Variants in PCDHGA12 observed in about 807,000 individuals in gnomAD.
The protein encoded by PCDHGA12 is protocadherin gamma-A12.
In PCDHGA12, 43 loss-of-function variants were observed where a neutral mutation model predicts 61.1. That is an observed-to-expected ratio of 0.70 (90% CI 0.55 to 0.91). The LOEUF (loss-of-function observed/expected upper bound fraction) is 0.91. Among genes scored for constraint, PCDHGA12 ranks in the 40% least tolerant of loss-of-function variants. The pLI is 0.00. For synonymous variants in PCDHGA12, 520 were observed against 542.9 expected, an observed-to-expected ratio of 0.96 and a Z score of 0.59; for missense variants, 1,236 against 1,227.7, an observed-to-expected ratio of 1.01 and a Z score of -0.10.
chr5:141,485,744 G>T lies in PCDHGA12; in HGVS notation c.2425-9063G>T. 1 of 1,614,226 alleles carries T rather than the reference G, an allele frequency of 6.2e-7. No individual in the cohort carries two copies. Among genetic ancestry groups the T allele is most frequent in the Non-Finnish European group, 8.5e-7 (1 of 1,180,038 alleles). On this transcript the variant is annotated intron_variant, in intron 1 of 3. Transcript: ENST00000252085. The surrounding 1 kb of genome is among the most constrained non-coding windows in gnomAD (Gnocchi z 5.7). ...GAAGAAGCGCAGCGACGGCAGCCTG[G>T]TCCCAGAGCTGCTCCTGGAGAAGCC...
Position 141,485,486 on chromosome 5 carries a change from C to A in PCDHGA12, c.2425-9321C>A. On this transcript the variant is annotated intron_variant, in intron 1 of 3. Transcript: ENST00000252085. This position sits in a 1 kb window ranked among gnomAD's most constrained non-coding sequence, Gnocchi z 5.7. Reference sequence around the variant, plus strand: ...TGGGCTCAGTGCCAGCTGCATCGTGCCCCTGGAGTTTGTCACCGAAGGTCC... The same window carrying A: ...TGGGCTCAGTGCCAGCTGCATCGTGACCCTGGAGTTTGTCACCGAAGGTCC... 6.2e-7 allele frequency: 1 copy of A among 1,614,104 alleles called. No individual in the cohort carries two copies.
At chr5:141,466,528 T>C (rs1171715691) in intron 1 of PCDHGA12, among the ~76,000 whole-genome samples, 1 of 152,204 alleles carries the variant, frequency 6.6e-6, no homozygotes, top group African/African-American at 2.4e-5. Context: ...TCCTCCCAAA[T>C]TGATGTAGAT....
intron 1 of PCDHGA12, among the ~76,000 whole-genome samples, chr5:141,483,755 G>A (rs2099586573): frequency 6.6e-6 from 1 of 152,130 alleles, no homozygotes. Flanking sequence ...TGAGGATCGA[G>A]GCTTGGAAAA....
Position 141,476,752 on chromosome 5 carries a change from A to T in PCDHGA12, c.2425-18055A>T, listed in dbSNP as rs771355583. On this transcript the variant is annotated intron_variant, in intron 1 of 3. Coordinates refer to ENST00000252085, the MANE Select transcript of PCDHGA12 (RefSeq NM_003735.3). This position sits in a 1 kb window ranked among gnomAD's most constrained non-coding sequence, Gnocchi z 7.6. ...GAGAACGGGAGCCTAGTCTCCAGTTAGTGCTGACGGCGTTGGACGGAGGGA... is the reference window on the plus strand; with the variant it reads ...GAGAACGGGAGCCTAGTCTCCAGTTTGTGCTGACGGCGTTGGACGGAGGGA... 1.2e-6 allele frequency: 2 copies of T among 1,613,926 alleles called. No individual in the cohort carries two copies. Among genetic ancestry groups the T allele is most frequent in the South Asian group, 2.2e-5 (2 of 91,080 alleles).
intron 1 of PCDHGA12, among the ~76,000 whole-genome samples, chr5:141,450,485 TTGTC>T (rs1466269978): frequency 1.3e-5 from 2 of 152,158 alleles, no homozygotes; most frequent in African/African-American, 2.4e-5. Flanking sequence ...GTTTGTTTGT[TTGTC>T]TGTTTGTTTG....
In PCDHGA12 at chr5:141,498,877, G is replaced by A. The variant is rs886444261; in HGVS notation, c.2483+4012G>A. ...GAACCCAGGAGGCGGAGGTTGCAGTGAGCTGAGATCACACCACTGCACTCC... is the reference window on the plus strand; with the variant it reads ...GAACCCAGGAGGCGGAGGTTGCAGTAAGCTGAGATCACACCACTGCACTCC... On this transcript the variant is annotated intron_variant, in intron 2 of 3. Coordinates refer to ENST00000252085, the MANE Select transcript of PCDHGA12 (RefSeq NM_003735.3). Among the ~76,000 whole-genome samples, 8 of 149,816 alleles carry A rather than the reference G, an allele frequency of 5.3e-5. No individual in the cohort carries two copies. In the East Asian group the frequency reaches 1.4e-3, roughly 26 times the overall value.
chr5:141,506,801 C>A (rs1322016728), intron 3 of PCDHGA12, among the ~76,000 whole-genome samples: 2 of 152,166 alleles, frequency 1.3e-5, no homozygotes, highest in Non-Finnish European at 2.9e-5. Flanking sequence ...GGCAGAGGAT[C>A]AAGGCATTGC....
rs1000330093 is a variant in PCDHGA12 at position 141,511,812 on chromosome 5, C to T, written c.*639C>T. 2.5e-5 allele frequency: 4 copies of T among 157,260 alleles called. No individual in the cohort carries two copies. Among genetic ancestry groups the T allele is most frequent in the African/African-American group, 9.6e-5 (4 of 41,492 alleles). The allele number at this position is 157,260 out of a possible 1,614,324, so 9.7% of individuals were successfully genotyped here. The stretch of plus-strand genomic sequence containing the variant: ...TAGGGAGGGCATTTTGCTACCAAGC[C>T]TCTTCCCAACGCCCTGGGGACCAGT... On this transcript the variant is annotated 3_prime_UTR_variant, in exon 4 of 4. Transcript: ENST00000252085.
Position 141,486,572 on chromosome 5 carries a change from A to G in PCDHGA12, c.2425-8235A>G. 1 of 1,613,876 alleles carries G rather than the reference A, an allele frequency of 6.2e-7. No individual in the cohort carries two copies. Among genetic ancestry groups the G allele is most frequent in the Non-Finnish European group, 8.5e-7 (1 of 1,180,002 alleles). ...GTCACATGAGGTGTTTGTTCCTGAG[A>G]ACAATCGCCCAGGGGACCTGCTTTG... is the stretch of plus-strand genomic sequence containing the variant. On this transcript the variant is annotated intron_variant, in intron 1 of 3. Coordinates refer to ENST00000252085, the MANE Select transcript of PCDHGA12 (RefSeq NM_003735.3). This position sits in a 1 kb window ranked among gnomAD's most constrained non-coding sequence, Gnocchi z 5.0.
At chr5:141,449,723 GA>G (rs1432635918) in intron 1 of PCDHGA12, among the ~76,000 whole-genome samples, 2 of 150,880 alleles carry the variant, frequency 1.3e-5, no homozygotes, top group Admixed American at 6.6e-5. Flanking sequence ...TATATGATAT[GA>G]TTTTTTTATG....
intron 1 of PCDHGA12, chr5:141,440,531 C>G (rs931337116): frequency 6.6e-6 from 1 of 152,272 alleles, no homozygotes; most frequent in Middle Eastern, 3.4e-3. Flanking sequence ...GAATCATGCA[C>G]CACGGTTCAG....
chr5:141,454,010 G>A (rs998092071), intron 1 of PCDHGA12, among the ~76,000 whole-genome samples: 2 of 152,146 alleles, frequency 1.3e-5, no homozygotes, highest in African/African-American at 4.8e-5. Context: ...TAACATTTTA[G>A]AAAAATGTAT....
intron 3 of PCDHGA12, among the ~76,000 whole-genome samples, chr5:141,510,415 C>G (rs2099881071): frequency 6.6e-6 from 1 of 152,082 alleles, no homozygotes; most frequent in Admixed American, 6.5e-5. Flanking sequence ...GCATGTAAAG[C>G]CATGGTTTCA....
intron 1 of PCDHGA12, chr5:141,441,752 C>A (rs1043293959): frequency 5.3e-6 from 2 of 377,970 alleles, no homozygotes; most frequent in Non-Finnish European, 5.3e-6. Flanking sequence ...TCGGCGTCAA[C>A]GTGAGCCTGC....
At position 141,477,751 on chromosome 5, in the gene PCDHGA12, G is replaced by T; in HGVS notation, c.2425-17056G>T. 1.2e-6 allele frequency: 2 copies of T among 1,613,830 alleles called. No homozygotes were observed. Among genetic ancestry groups the T allele is most frequent in the Non-Finnish European group, 1.7e-6 (2 of 1,180,022 alleles). On this transcript the variant is annotated intron_variant, in intron 1 of 3. Coordinates refer to ENST00000252085, the MANE Select transcript of PCDHGA12 (RefSeq NM_003735.3). This position sits in a 1 kb window ranked among gnomAD's most constrained non-coding sequence, Gnocchi z 4.9. ...CTCATATCAGCGATGGGGGCACCCC[G>T]GTCCTAGCCACCAACATCAGCGTGA...
rs1456184444 is a variant in PCDHGA12, at chr5:141,512,578, C to G, written c.*1405C>G. ...ATAGACCTTCTTCTCCCACCCCCTT[C>G]TGCCCCTGGGTCCCCGGCCATCCAG... On this transcript the variant is annotated 3_prime_UTR_variant, in exon 4 of 4. Coordinates refer to ENST00000252085, the MANE Select transcript of PCDHGA12 (RefSeq NM_003735.3). The G allele has an allele frequency of 6.5e-6, 1 of 153,062 alleles. No individual in the cohort carries two copies. The highest frequency in any genetic ancestry group is 1.5e-5 in the Non-Finnish European group (1 of 68,534). 9.5% of individuals were successfully genotyped at this position (153,062 alleles called of 1,614,324 possible). A position where few individuals can be genotyped will look rare whatever the true frequency, so the allele number is the denominator to read the frequency against.
intron 1 of PCDHGA12, among the ~76,000 whole-genome samples, chr5:141,467,404 C>T (rs1032912609): frequency 1.3e-5 from 2 of 151,864 alleles, no homozygotes; most frequent in African/African-American, 4.8e-5. Context: ...AGTTAGAAAG[C>T]CTTTCCCCAC....
rs1219045744 is a variant in PCDHGA12 at position 141,476,783 on chromosome 5, G to T, written c.2425-18024G>T. The stretch of plus-strand genomic sequence containing the variant: ...GACGGCGTTGGACGGAGGGACCCCA[G>T]CTCTCTCCGCCAGCCTGCCTATTCA... On this transcript the variant is annotated intron_variant, in intron 1 of 3. Transcript: ENST00000252085. The surrounding 1 kb of genome is among the most constrained non-coding windows in gnomAD (Gnocchi z 7.6). 5 of 1,613,392 alleles carry T rather than the reference G, an allele frequency of 3.1e-6. No homozygotes were observed. The highest frequency in any genetic ancestry group is 2.7e-5 in the African/African-American group (2 of 74,930).
chr5:141,453,676 C>T (rs1387074223), intron 1 of PCDHGA12, among the ~76,000 whole-genome samples: 1 of 152,174 alleles, frequency 6.6e-6, no homozygotes, highest in Admixed American at 6.6e-5. Flanking sequence ...AAAGGTAACA[C>T]ACTATGTAGG....
Sources: allele counts gnomAD v4.1 joint callset (sites outside exome capture counted in the v4.1 genomes callset), GRCh38; gene constraint gnomAD v4.1.1; non-coding constraint Gnocchi (gnomAD v3.1); transcripts MANE v1.5; gene names NCBI Gene and HGNC (gene_info 2026-07-23, HGNC 2026-07-21).